Variants in NSD1 observed in about 807,000 individuals in gnomAD.
The protein encoded by NSD1 is histone-lysine N-methyltransferase, H3 lysine-36 specific.
NSD1 carries 26 observed loss-of-function variants against 242.7 expected under a neutral mutation model. The observed-to-expected ratio is 0.11, with a 90% CI of 0.08 to 0.15. The LOEUF is 0.15. Among genes scored for constraint, NSD1 ranks in the 10% least tolerant of loss-of-function variants. The probability of loss-of-function intolerance (pLI) is 1.00; values close to 1 mark genes in which losing one functional copy is unlikely to be tolerated. For synonymous variants in NSD1, 1,106 were observed against 1,178.1 expected (o/e 0.94, Z 1.25); for missense variants, 2,495 against 3,272.8 (o/e 0.76, Z 5.80).
intron 2 of NSD1, among the ~76,000 whole-genome samples, chr5:177,156,554 G>A (rs886147253): frequency 6.6e-6 from 1 of 152,088 alleles, no homozygotes; most frequent in East Asian, 1.9e-4. Context: ...GTGGCTCATG[G>A]CCTCTAGTCC....
At chr5:177,157,763 A>G (rs776666037) in intron 2 of NSD1, among the ~76,000 whole-genome samples, 1 of 152,216 alleles carries the variant, frequency 6.6e-6, no homozygotes, top group Non-Finnish European at 1.5e-5. Context: ...GTCATTTCCC[A>G]TTAAGTCTCC....
At chr5:177,280,056 C>G (rs946879803) in intron 17 of NSD1, among the ~76,000 whole-genome samples, 1 of 150,600 alleles carries the variant, frequency 6.6e-6, no homozygotes, top group African/African-American at 2.5e-5. Context: ...GTTGCCCAGG[C>G]TGGAGTGCAG....
At chr5:177,152,153 C>T (rs1221724693) in intron 2 of NSD1, among the ~76,000 whole-genome samples, 4 of 152,116 alleles carry the variant, frequency 2.6e-5, no homozygotes, top group African/African-American at 4.8e-5. Context: ...AGCCACTGCA[C>T]CTGGCCATGC....
At chr5:177,292,844 T>C (rs1759951085) in intron 22 of NSD1, among the ~76,000 whole-genome samples, 1 of 152,218 alleles carries the variant, frequency 6.6e-6, no homozygotes, top group Non-Finnish European at 1.5e-5. Context: ...ATGCCATCTA[T>C]TTTAATGAAC....
chr5:177,152,953 T>G (rs1757848640), intron 2 of NSD1, among the ~76,000 whole-genome samples: 1 of 152,126 alleles, frequency 6.6e-6, no homozygotes, highest in South Asian at 2.1e-4. Flanking sequence ...CCCAAAGTGC[T>G]GGGATAACAG....
chr5:177,137,819 C>T (rs967630897), intron 2 of NSD1, among the ~76,000 whole-genome samples: 1 of 151,914 alleles, frequency 6.6e-6, no homozygotes, highest in Non-Finnish European at 1.5e-5. Context: ...TGTGGTGGCT[C>T]ACACCTGTAG....
chr5:177,207,917 T>TGC (rs1763024317), intron 4 of NSD1, among the ~76,000 whole-genome samples: 1 of 151,146 alleles, frequency 6.6e-6, no homozygotes, highest in Admixed American at 6.6e-5. Context: ...TGTGTGTGTG[T>TGC]GTGTGCGTGT....
At chr5:177,291,839 C>A in intron 21 of NSD1, 115 bp from the exon 22 acceptor site, 1 of 1,030,520 alleles carries the variant, frequency 9.7e-7, no homozygotes, top group Non-Finnish European at 1.5e-6. Flanking sequence ...ATTTTATCTT[C>A]ATGACAATCT....
At chr5:177,248,499 T>C (rs533338500) in intron 11 of NSD1, among the ~76,000 whole-genome samples, 175 bp downstream of exon 11, 1 of 152,322 alleles carries the variant, frequency 6.6e-6, no homozygotes, top group Non-Finnish European at 1.5e-5. Flanking sequence ...AGAAAGATAC[T>C]TGGAGAAATA....
intron 2 of NSD1, among the ~76,000 whole-genome samples, chr5:177,164,158 T>TTC (rs1758981942): frequency 6.7e-6 from 1 of 149,938 alleles, no homozygotes; most frequent in Admixed American, 6.7e-5. Flanking sequence ...CCTTTTTTTT[T>TTC]TTTTTTTCTT....
intron 2 of NSD1, among the ~76,000 whole-genome samples, chr5:177,191,528 T>C (rs1008218073): frequency 4.6e-5 from 7 of 152,154 alleles, no homozygotes; most frequent in East Asian, 1.9e-4. Flanking sequence ...ATTTTTTTTT[T>C]CCCTTTGTGT....
At position 177,145,302 on chromosome 5, in the gene NSD1, A is replaced by G. The variant is rs1015918752; in HGVS notation, c.927+9272A>G. ...CAAGATTTTTTTTTTTTTTTTGGAC[A>G]GTGTCTCGCTCTGTTGCTCAGGCTG... On this transcript the variant is annotated intron_variant, in intron 2 of 22. Coordinates refer to ENST00000439151, the MANE Select transcript of NSD1 (RefSeq NM_022455.5). 2.8e-5 allele frequency among the ~76,000 whole-genome samples: 4 copies of G among 141,828 alleles called. No individual in the cohort carries two copies. The South Asian group carries it at 8.7e-4, about 31-fold the overall frequency. 93.0% of individuals were successfully genotyped at this position (141,828 alleles called of 152,430 possible). A position where few individuals can be genotyped will look rare whatever the true frequency, so the allele number is the denominator to read the frequency against.
intron 5 of NSD1, among the ~76,000 whole-genome samples, chr5:177,217,107 T>C (rs1440346257): frequency 6.6e-6 from 1 of 152,102 alleles, no homozygotes; most frequent in Non-Finnish European, 1.5e-5. Context: ...GTAGTAGGGA[T>C]ATCTTAACAA....
intron 2 of NSD1, among the ~76,000 whole-genome samples, chr5:177,153,874 A>T (rs965637308): frequency 6.6e-6 from 1 of 152,130 alleles, no homozygotes; most frequent in Admixed American, 6.6e-5. Flanking sequence ...AGAGCTGTGG[A>T]TGGAATGTTT....
At chr5:177,270,569 A>G (rs552762709) in intron 16 of NSD1, among the ~76,000 whole-genome samples, 9 of 152,370 alleles carry the variant, frequency 5.9e-5, no homozygotes, top group African/African-American at 2.2e-4. Context: ...CCAACTCAGA[A>G]TGGTCCAACT....
At chr5:177,151,035 T>C (rs1757655105) in intron 2 of NSD1, among the ~76,000 whole-genome samples, 1 of 152,232 alleles carries the variant, frequency 6.6e-6, no homozygotes, top group African/African-American at 2.4e-5. Context: ...TAAGTCTGTT[T>C]TTATAATTAG....
intron 17 of NSD1, among the ~76,000 whole-genome samples, chr5:177,280,038 C>T (rs115674340): frequency 0.019 from 2,766 of 149,170 alleles, 33 homozygotes; most frequent in Non-Finnish European, 0.028. Flanking sequence ...GAGACCGAGT[C>T]TCACTCTGTT....
At chr5:177,176,236 C>A (rs1760189069) in intron 2 of NSD1, among the ~76,000 whole-genome samples, 1 of 151,748 alleles carries the variant, frequency 6.6e-6, no homozygotes, top group African/African-American at 2.4e-5. Flanking sequence ...GGATTAAAAT[C>A]TAAGATCTAA....
At chr5:177,190,671 A>G (rs1490018308) in intron 2 of NSD1, among the ~76,000 whole-genome samples, 2 of 148,476 alleles carry the variant, frequency 1.3e-5, no homozygotes, top group Non-Finnish European at 1.5e-5. Flanking sequence ...AACTAATCCC[A>G]GGTTTTTTTT....
Sources: gnomAD v4.1 joint callset for allele counts (sites outside exome capture counted in the v4.1 genomes callset) on GRCh38, gnomAD v4.1.1 for gene constraint, MANE v1.5 for transcripts, NCBI Gene and HGNC (gene_info 2026-07-23, HGNC 2026-07-21) for gene names.